The following C16orf74 variants were observed in gnomAD, a reference collection of about 807,000 sequenced individuals.
The protein encoded by C16orf74 is calcimembrin.
C16orf74 carries 10 observed loss-of-function variants against 6.5 expected under a neutral mutation model. The ratio of observed to expected loss-of-function variants is 1.54; its 90% CI spans 0.95 to 2.61. The LOEUF (loss-of-function observed/expected upper bound fraction) is 2.61, where lower values mean the gene tolerates loss of function less well. Ranked by LOEUF, C16orf74 falls within the 30% of genes most tolerant of loss-of-function variation. The pLI is 0.00. For missense variants in C16orf74, 141 were observed against 105.9 expected (o/e 1.33, Z -1.45); for synonymous variants, 60 against 42.5 (o/e 1.41, Z -1.60).
intron 1 of C16orf74, among the ~76,000 whole-genome samples, chr16:85,742,623 C>T (rs902706029): frequency 3.9e-5 from 6 of 152,092 alleles, no homozygotes; most frequent in African/African-American, 1.4e-4. Context: ...CTCACTGCAA[C>T]CTCCGCCTCC....
intron 3 of C16orf74, among the ~76,000 whole-genome samples, chr16:85,709,111 T>A (rs1365560053): frequency 6.6e-6 from 1 of 152,216 alleles, no homozygotes; most frequent in Non-Finnish European, 1.5e-5. Flanking sequence ...TCCCAGCACT[T>A]TGGGAGGCCC....
chr16:85,749,010 G>T (rs1022351991), intron 1 of C16orf74, among the ~76,000 whole-genome samples: 1 of 149,910 alleles, frequency 6.7e-6, no homozygotes, highest in African/African-American at 2.4e-5. Context: ...CAAACTCCTG[G>T]CCTCAGGTGA....
intron 3 of C16orf74, among the ~76,000 whole-genome samples, chr16:85,709,722 G>A (rs149907852): frequency 6.6e-6 from 1 of 152,216 alleles, no homozygotes; most frequent in Non-Finnish European, 1.5e-5. Flanking sequence ...GCTCCCAGCA[G>A]TGAGCTGCAT....
chr16:85,723,949 C>T (rs1029856329), intron 2 of C16orf74, among the ~76,000 whole-genome samples: 1 of 152,194 alleles, frequency 6.6e-6, no homozygotes, highest in Non-Finnish European at 1.5e-5. Flanking sequence ...TGCTCCCGTG[C>T]CCGGCCATGT....
Position 85,751,053 on chromosome 16 carries a change from A to C in C16orf74, c.-146T>G, listed in dbSNP as rs2054433054. ...CGGCGACGAGCCTGCAAGACAGAGC[A>C]GCGGGGGTCATGGCCCGGCCGGCGC... On this transcript the variant is annotated 5_prime_UTR_variant, in exon 1 of 4. Coordinates refer to ENST00000284245, the MANE Select transcript of C16orf74 (RefSeq NM_206967.3). 6.7e-6 allele frequency: 1 copy of C among 148,252 alleles called. No homozygotes were observed. Among genetic ancestry groups the C allele is most frequent in the Non-Finnish European group, 1.5e-5 (1 of 66,608 alleles). The allele number at this position is 148,252 out of a possible 1,614,324, so 9.2% of individuals were successfully genotyped here.
rs556749663 is a variant in C16orf74, at chr16:85,734,402, C to T, written c.28+788G>A. ...TCCCAGGCTTGGCTCAGCTCCCAAC[C>T]ACCTCTCCAGGTGGGTAGGTGGCCT... On this transcript the variant is annotated intron_variant, in intron 2 of 3. Transcript: ENST00000284245. Among the ~76,000 whole-genome samples, 225 of 152,286 alleles carry T rather than the reference C, an allele frequency of 1.5e-3. 1 individual carries two copies. The highest frequency in any genetic ancestry group is 5.2e-3 in the African/African-American group (217 of 41,574).
rs550982675 is a variant in C16orf74, at chr16:85,710,155, C to T, written c.172+9G>A. ...CGACCCGGCTTGGCGGTGGAGGGGA[C>T]GGCCTCACCTGTGCTCCCCAAGTCC... is the stretch of plus-strand genomic sequence containing the variant. On this transcript the variant is annotated intron_variant, in intron 3 of 3. Coordinates refer to ENST00000284245, the MANE Select transcript of C16orf74 (RefSeq NM_206967.3). The T allele has an allele frequency of 1.3e-5, 19 of 1,418,364 alleles. No individual in the cohort carries two copies. Among genetic ancestry groups the T allele is most frequent in the Middle Eastern group, 2.1e-4 (1 of 4,736 alleles). 87.9% of individuals were successfully genotyped at this position (1,418,364 alleles called of 1,614,324 possible).
chr16:85,729,323 T>G (rs1265599499), intron 2 of C16orf74, among the ~76,000 whole-genome samples: 1 of 152,226 alleles, frequency 6.6e-6, no homozygotes, highest in Non-Finnish European at 1.5e-5. Flanking sequence ...CTTTGGCCTG[T>G]GGGACACTCC....
chr16:85,751,095 C>T lies in C16orf74; in HGVS notation c.-188G>A, dbSNP rs2152068364. ...GGCCGGCGCTCGGGCAGCCGCGCGC[C>T]TCCCGCGGTCCCGCCCCGCTCCTAG... On this transcript the variant is annotated 5_prime_UTR_variant, in exon 1 of 4. Transcript: ENST00000284245. The T allele has an allele frequency of 6.7e-6, 1 of 148,246 alleles. No individual in the cohort carries two copies. Among genetic ancestry groups the T allele is most frequent in the East Asian group, 2.0e-4 (1 of 5,076 alleles). 9.2% of individuals were successfully genotyped at this position (148,246 alleles called of 1,614,324 possible).
At chr16:85,730,849 T>G (rs1472741433) in intron 2 of C16orf74, among the ~76,000 whole-genome samples, 1 of 82,240 alleles carries the variant, frequency 1.2e-5, no homozygotes, top group African/African-American at 5.1e-5. Flanking sequence ...GACAACAAAA[T>G]CCCCCAAACC....
intron 2 of C16orf74, among the ~76,000 whole-genome samples, chr16:85,714,047 CTGG>C (rs1326218349): frequency 1.3e-5 from 2 of 152,198 alleles, no homozygotes; most frequent in Non-Finnish European, 2.9e-5. Flanking sequence ...AAACCTGCAG[CTGG>C]TGGTGGAAGG....
intron 2 of C16orf74, among the ~76,000 whole-genome samples, chr16:85,721,059 C>G (rs2054078121): frequency 6.6e-6 from 1 of 152,136 alleles, no homozygotes; most frequent in Admixed American, 6.5e-5. Flanking sequence ...CCACTGCACC[C>G]TAGCCTAGGC....
At chr16:85,733,162 G>A (rs1567809473) in intron 2 of C16orf74, among the ~76,000 whole-genome samples, 2 of 152,214 alleles carry the variant, frequency 1.3e-5, no homozygotes, top group African/African-American at 4.8e-5. Context: ...AGTGTCCATC[G>A]TTGGAGAAGT....
chr16:85,709,513 A>G (rs1344044468), intron 3 of C16orf74, among the ~76,000 whole-genome samples: 2 of 150,668 alleles, frequency 1.3e-5, no homozygotes, highest in Admixed American at 1.3e-4. Context: ...TATTATTATT[A>G]TTATTATTAT....
chr16:85,722,872 G>T (rs377698078), intron 2 of C16orf74, among the ~76,000 whole-genome samples: 1 of 152,202 alleles, frequency 6.6e-6, no homozygotes, highest in East Asian at 1.9e-4. Context: ...GCCTTCACAG[G>T]ACTTGGCTCC....
At chr16:85,725,116 C>T (rs1323015223) in intron 2 of C16orf74, among the ~76,000 whole-genome samples, 2 of 152,218 alleles carry the variant, frequency 1.3e-5, no homozygotes, top group Non-Finnish European at 2.9e-5. Flanking sequence ...GGTGCCCGCT[C>T]TGCCCTGGGC....
intron 1 of C16orf74, among the ~76,000 whole-genome samples, chr16:85,738,765 C>T (rs1308488052): frequency 2.6e-5 from 4 of 151,994 alleles, no homozygotes; most frequent in East Asian, 1.9e-4. Flanking sequence ...CCTGTGGGAG[C>T]GACAGGCACA....
At chr16:85,738,216 G>C (rs1307728363) in intron 1 of C16orf74, among the ~76,000 whole-genome samples, 1 of 151,940 alleles carries the variant, frequency 6.6e-6, no homozygotes, top group Non-Finnish European at 1.5e-5. Flanking sequence ...CTTCACGCCA[G>C]CCTGGGTGAC....
chr16:85,715,520 C>G (rs1228292382), intron 2 of C16orf74, among the ~76,000 whole-genome samples: 1 of 152,176 alleles, frequency 6.6e-6, no homozygotes, highest in Admixed American at 6.5e-5. Context: ...TCCCATGTAA[C>G]AGCTGGCAAA....
Sources: allele counts gnomAD v4.1 joint callset (sites outside exome capture counted in the v4.1 genomes callset), GRCh38; gene constraint gnomAD v4.1.1; transcripts MANE v1.5; gene names NCBI Gene and HGNC (gene_info 2026-07-23, HGNC 2026-07-21).